Variants in DOCK10 observed in about 807,000 individuals in gnomAD.
DOCK10 encodes dedicator of cytokinesis 10, also known as dedicator of cytokinesis protein 10.
Under a neutral mutation model 280.1 loss-of-function variants are expected in DOCK10, and 145 were observed. The ratio of observed to expected loss-of-function variants is 0.52; its 90% CI spans 0.45 to 0.59. The LOEUF (loss-of-function observed/expected upper bound fraction) is 0.59. DOCK10 is among the 20% of genes least tolerant of loss of function. The probability of loss-of-function intolerance (pLI) is 0.00; values close to 1 mark genes in which losing one functional copy is unlikely to be tolerated. For synonymous variants in DOCK10, 915 were observed against 942.2 expected (o/e 0.97, Z 0.53); for missense variants, 2,368 against 2,651.7 (o/e 0.89, Z 2.35).
At chr2:225,037,582 A>T (rs1372405593) in intron 1 of DOCK10, among the ~76,000 whole-genome samples, 1 of 152,196 alleles carries the variant, frequency 6.6e-6, no homozygotes, top group Non-Finnish European at 1.5e-5. Context: ...TTAGGGAAAC[A>T]TGTTTAACCC....
At chr2:224,916,524 G>C (rs62186350) in intron 3 of DOCK10, among the ~76,000 whole-genome samples, 171 bp downstream of exon 3, 34,151 of 135,450 alleles carry the variant, frequency 0.25, 4,478 homozygotes, top group Admixed American at 0.32. Flanking sequence ...CTGGGTGACA[G>C]AGTGACACCC....
At position 224,818,820 on chromosome 2, in the gene DOCK10, A is replaced by G. The variant is rs538552960; in HGVS notation, c.3267+626T>C. On this transcript the variant is annotated intron_variant, in intron 29 of 55. Coordinates refer to ENST00000258390, the MANE Select transcript of DOCK10 (RefSeq NM_014689.3). ...AGTCAGTTTCTGTTGCTTTCAACCC[A>G]AAGAACAGTTAACTGATCCAGCTTT... 9.8e-5 allele frequency among the ~76,000 whole-genome samples: 15 copies of G among 152,310 alleles called. No individual in the cohort carries two copies. The East Asian group carries it at 2.7e-3, about 27-fold the overall frequency.
intron 45 of DOCK10, 30 bp from the exon 46 acceptor site, chr2:224,793,487 A>G (rs1574831935): frequency 6.3e-7 from 1 of 1,584,010 alleles, no homozygotes; most frequent in South Asian, 1.1e-5. Flanking sequence ...AAAGAGGCTC[A>G]GGGGATGGAG....
intron 50 of DOCK10, among the ~76,000 whole-genome samples, chr2:224,780,898 T>TAA (rs57957604): frequency 8.3e-4 from 120 of 144,728 alleles, no homozygotes; most frequent in South Asian, 3.5e-3. Flanking sequence ...AGACTCTGTC[T>TAA]AAAAAAAAAA....
At chr2:225,000,350 TG>T (rs1291393710) in intron 1 of DOCK10, among the ~76,000 whole-genome samples, 2 of 152,196 alleles carry the variant, frequency 1.3e-5, no homozygotes, top group African/African-American at 2.4e-5. Flanking sequence ...AAAGAACCGC[TG>T]GGGATCTCCT....
At chr2:224,878,314 T>A (rs1698765134) in intron 7 of DOCK10, among the ~76,000 whole-genome samples, 1 of 152,206 alleles carries the variant, frequency 6.6e-6, no homozygotes, top group Admixed American at 6.5e-5. Flanking sequence ...GTGGGACCAA[T>A]CACATTATTC....
At chr2:224,816,753 C>G in intron 29 of DOCK10, 40 bp from the exon 30 acceptor site, 1 of 1,114,638 alleles carries the variant, frequency 9.0e-7, no homozygotes, top group Non-Finnish European at 1.3e-6. Flanking sequence ...ACTTACAGAC[C>G]AAGAAACTGA....
intron 1 of DOCK10, among the ~76,000 whole-genome samples, chr2:224,981,824 C>T (rs1575146477): frequency 6.6e-6 from 1 of 152,198 alleles, no homozygotes; most frequent in East Asian, 1.9e-4. Flanking sequence ...TCAATGGTTA[C>T]ATGTGATTTT....
At chr2:224,975,258 C>A (rs1705365070) in intron 1 of DOCK10, among the ~76,000 whole-genome samples, 1 of 152,150 alleles carries the variant, frequency 6.6e-6, no homozygotes, top group Non-Finnish European at 1.5e-5. Context: ...CCATTCAATT[C>A]ATTTGTCCAT....
chr2:224,965,572 A>G (rs1428198915), intron 1 of DOCK10, among the ~76,000 whole-genome samples: 1 of 152,170 alleles, frequency 6.6e-6, no homozygotes, highest in Non-Finnish European at 1.5e-5. Context: ...TTTAGATTGT[A>G]TTCACTTAAT....
chr2:224,945,219 A>C (rs183925119), intron 1 of DOCK10, among the ~76,000 whole-genome samples: 4 of 152,328 alleles, frequency 2.6e-5, no homozygotes, highest in African/African-American at 9.6e-5. Flanking sequence ...ACAAGACTCA[A>C]GTTAAAAATA....
At chr2:224,961,418 CTTTCTTTCTTTCTTTCTT>C (rs1314124312) in intron 1 of DOCK10, among the ~76,000 whole-genome samples, 22 of 100,194 alleles carry the variant, frequency 2.2e-4, no homozygotes, top group African/African-American at 7.9e-4. Flanking sequence ...CTTTCTCTTT[CTTTCTTTCTTTCTTTCTT>C]TCTTTCTTTC....
chr2:224,827,368 T>C (rs1440541036), intron 27 of DOCK10, among the ~76,000 whole-genome samples: 1 of 151,670 alleles, frequency 6.6e-6, no homozygotes, highest in Non-Finnish European at 1.5e-5. Context: ...GAAAGAAAAC[T>C]AGGGTGTGAG....
At chr2:224,780,920 C>T (rs921898734) in intron 50 of DOCK10, among the ~76,000 whole-genome samples, 11 of 150,988 alleles carry the variant, frequency 7.3e-5, no homozygotes, top group Admixed American at 2.0e-4. Flanking sequence ...AAATGTATTG[C>T]GGCCTTGCTC....
intron 1 of DOCK10, among the ~76,000 whole-genome samples, chr2:225,036,106 G>A (rs1300982029): frequency 6.6e-6 from 1 of 152,060 alleles, no homozygotes; most frequent in Non-Finnish European, 1.5e-5. Context: ...AGCAACATTC[G>A]CCTCACTCTG....
intron 1 of DOCK10, among the ~76,000 whole-genome samples, chr2:225,020,181 T>A: frequency 6.6e-6 from 1 of 151,262 alleles, no homozygotes; most frequent in Non-Finnish European, 1.5e-5. Flanking sequence ...GTCTTGAAAT[T>A]GATATTAAAG....
At position 224,805,354 on chromosome 2, in the gene DOCK10, G is replaced by C. The variant is rs1437907404; in HGVS notation, c.3937-34C>G. 4 of 1,612,738 alleles carry C rather than the reference G, an allele frequency of 2.5e-6. No individual in the cohort carries two copies. Among genetic ancestry groups the C allele is most frequent in the African/African-American group, 2.7e-5 (2 of 74,942 alleles). Reference sequence around the variant, plus strand: ...TCAAGAACCAATCAGGATTGAGTGAGAGTGAGTGACCTCTGCCTTGTAATG... The same window carrying C: ...TCAAGAACCAATCAGGATTGAGTGACAGTGAGTGACCTCTGCCTTGTAATG... On this transcript the variant is annotated intron_variant, in intron 35 of 55. Coordinates refer to ENST00000258390, the MANE Select transcript of DOCK10 (RefSeq NM_014689.3). This position sits in a 1 kb window ranked among gnomAD's most constrained non-coding sequence, Gnocchi z 4.3.
At chr2:224,991,851 G>A (rs1421736012) in intron 1 of DOCK10, among the ~76,000 whole-genome samples, 1 of 152,212 alleles carries the variant, frequency 6.6e-6, no homozygotes, top group Non-Finnish European at 1.5e-5. Flanking sequence ...ATAAATTACA[G>A]TGTTCTACCC....
intron 1 of DOCK10, among the ~76,000 whole-genome samples, chr2:225,019,166 C>T (rs1689716957): frequency 6.6e-6 from 1 of 152,022 alleles, no homozygotes; most frequent in Non-Finnish European, 1.5e-5. Flanking sequence ...CAGTGGAGAC[C>T]AATCATCTAG....
Sources: gnomAD v4.1 joint callset for allele counts (sites outside exome capture counted in the v4.1 genomes callset) on GRCh38, gnomAD v4.1.1 for gene constraint, Gnocchi (gnomAD v3.1) non-coding constraint, MANE v1.5 for transcripts, NCBI Gene and HGNC (gene_info 2026-07-23, HGNC 2026-07-21) for gene names.